Variants in GPR137B observed in about 807,000 individuals in gnomAD.
The protein encoded by GPR137B is G protein-coupled receptor 137B.
A neutral mutation model predicts 42.5 loss-of-function variants in GPR137B; 42 were observed. The ratio of observed to expected loss-of-function variants is 0.99; its 90% confidence interval spans 0.77 to 1.28. The LOEUF (loss-of-function observed/expected upper bound fraction) is 1.28. Among genes scored for constraint, GPR137B ranks in the 50% most tolerant of loss-of-function variants. The pLI is 0.00. For synonymous variants in GPR137B, 218 were observed against 209.7 expected (o/e 1.04, Z -0.34); for missense variants, 487 against 493.9 (o/e 0.99, Z 0.13).
chr1:236,170,127 G>A (rs888465937), intron 2 of GPR137B, among the ~76,000 whole-genome samples: 2 of 151,892 alleles, frequency 1.3e-5, no homozygotes, highest in Non-Finnish European at 2.9e-5. Context: ...GCGCGGGGGT[G>A]CAGTGTGAGT....
At chr1:236,176,814 G>A (rs751520356) in intron 2 of GPR137B, among the ~76,000 whole-genome samples, 10 of 152,176 alleles carry the variant, frequency 6.6e-5, no homozygotes, top group Non-Finnish European at 1.5e-4. Flanking sequence ...GATGGAGAGA[G>A]TGGAAATGGA....
chr1:236,178,495 GGGAAATTGGGA>G lies in GPR137B; in HGVS notation c.548_558del (p.Gly183GlufsTer12). ...TAACCTGTGCTGTGCTGGTAAAGAC[GGGAAATTGGGA>G]GAGGAAGGTTATCGTCTCTGTGCGA... On this transcript the variant is annotated frameshift_variant, in exon 3 of 7. Transcript: ENST00000366592. LOFTEE classifies it high-confidence loss of function. The G allele has an allele frequency of 6.2e-7, 1 of 1,613,832 alleles. No individual in the cohort carries two copies. Among genetic ancestry groups the G allele is most frequent in the South Asian group, 1.1e-5 (1 of 91,062 alleles).
intron 1 of GPR137B, among the ~76,000 whole-genome samples, chr1:236,162,893 C>T (rs935972856): frequency 1.3e-5 from 2 of 152,230 alleles, no homozygotes; most frequent in African/African-American, 4.8e-5. Context: ...AGCCCCCACA[C>T]AGAGTCCCTA....
rs1661549359 is a variant in GPR137B at position 236,142,570 on chromosome 1, C to T, written c.-53C>T. ...TTTCCTCCAGTCTCGGGGCTGCAGG[C>T]TGAGCGCGATGCGCGGAGACCCCCG... On this transcript the variant is annotated 5_prime_UTR_variant, in exon 1 of 7. Transcript: ENST00000366592. 1.9e-6 allele frequency: 2 copies of T among 1,073,294 alleles called. No homozygotes were observed. The highest frequency in any genetic ancestry group is 3.3e-5 in the African/African-American group (2 of 60,016). The allele number at this position is 1,073,294 out of a possible 1,614,324, so 66.5% of individuals were successfully genotyped here.
At chr1:236,148,229 G>A (rs1661736162) in intron 1 of GPR137B, among the ~76,000 whole-genome samples, 1 of 152,228 alleles carries the variant, frequency 6.6e-6, no homozygotes, top group South Asian at 2.1e-4. Context: ...CCAGGTTTCA[G>A]GATAGAGGCT....
intron 1 of GPR137B, among the ~76,000 whole-genome samples, chr1:236,163,540 G>A (rs548555507): frequency 2.0e-5 from 3 of 152,298 alleles, no homozygotes; most frequent in Non-Finnish European, 2.9e-5. Flanking sequence ...ATTCCCATGT[G>A]TTGTGGGAGG....
chr1:236,187,522 G>A (rs565643937), intron 5 of GPR137B, among the ~76,000 whole-genome samples: 6 of 152,202 alleles, frequency 3.9e-5, no homozygotes, highest in East Asian at 3.9e-4. Context: ...GTGTAAGGAA[G>A]GGGTCCAGTT....
rs768692866 is a variant in GPR137B, at chr1:236,142,950, A to C, written c.328A>C (p.Ser110Arg). ...AGACTTCGTGGCGGCCAATTCGCTC[A>C]GCCCCTTCGTCTTCTGGCTGCTCTA... ...FKDFVAANSL[S>R]PFVFWLLYCF... Residue 110 changes from serine to arginine, a missense_variant, in exon 1 of 7, where the codon AGC becomes CGC. Physicochemically the swap from Ser to Arg is moderately radical, Grantham distance 110 (BLOSUM62 -1). Coordinates refer to ENST00000366592, the MANE Select transcript of GPR137B (RefSeq NM_003272.4). 2 of 1,614,196 alleles carry C rather than the reference A, an allele frequency of 1.2e-6. No homozygotes were observed. The highest frequency in any genetic ancestry group is 1.1e-5 in the South Asian group (1 of 91,076).
At chr1:236,160,113 A>G (rs1434545219) in intron 1 of GPR137B, among the ~76,000 whole-genome samples, 1 of 152,172 alleles carries the variant, frequency 6.6e-6, no homozygotes, top group Admixed American at 6.5e-5. Context: ...ATTAGGGAGA[A>G]ATGCTTTATT....
chr1:236,201,460 C>G (rs571385937), intron 5 of GPR137B, among the ~76,000 whole-genome samples: 1 of 152,016 alleles, frequency 6.6e-6, no homozygotes, highest in Non-Finnish European at 1.5e-5. Flanking sequence ...ATTGGAGGCT[C>G]TGTTCATTTT....
chr1:236,186,109 T>A (rs1421184891), intron 5 of GPR137B, among the ~76,000 whole-genome samples: 1 of 148,000 alleles, frequency 6.8e-6, no homozygotes, highest in Non-Finnish European at 1.5e-5. Context: ...TTGTACTTAA[T>A]TCTTTTTTAT....
chr1:236,202,535 T>C (rs1324493909), intron 5 of GPR137B, among the ~76,000 whole-genome samples: 1 of 152,066 alleles, frequency 6.6e-6, no homozygotes, highest in Non-Finnish European at 1.5e-5. Flanking sequence ...GGTGTGACTC[T>C]CCACACACTG....
rs1367496934 is a variant in GPR137B, at chr1:236,179,896, A to G, written c.705A>G (p.Gln235=). The change falls in exon 4 of 7, where the codon CAA becomes CAG. Residue 235 remains glutamine (Q), a synonymous_variant. Transcript: ENST00000366592. Reference sequence around the variant, plus strand: ...TTTTCCAGGGCTCCTCCGTGTGTCAAGTGACTGCCATCGGTGTCACCGTGA... The same window carrying G: ...TTTTCCAGGGCTCCTCCGTGTGTCAGGTGACTGCCATCGGTGTCACCGTGA... The part of the protein sequence containing the change: ...YLESKGSSVC[Q]VTAIGVTVIL... The G allele has an allele frequency of 3.8e-6, 6 of 1,591,554 alleles. No individual in the cohort carries two copies. The South Asian group carries it at 5.8e-5, about 15-fold the overall frequency.
chr1:236,183,796 C>A lies in GPR137B; in HGVS notation c.856C>A (p.Leu286Met). ...CTAACAGGCAGATTTGAAGAATCAG[C>A]TGGGAGATGCTGGATACGTATTATT... Reference protein sequence around the residue: ...VSDQADLKNQLGDAGYVLFGV... With the variant: ...VSDQADLKNQMGDAGYVLFGV... The change falls in exon 5 of 7, where the codon CTG becomes ATG. Residue 286 changes from leucine to methionine, a missense_variant. Physicochemically the swap from Leu to Met is conservative, Grantham distance 15. Transcript: ENST00000366592. 6.2e-7 allele frequency: 1 copy of A among 1,606,310 alleles called. No individual in the cohort carries two copies. Among genetic ancestry groups the A allele is most frequent in the Non-Finnish European group, 8.5e-7 (1 of 1,173,592 alleles).
At chr1:236,189,127 T>C (rs538895506) in intron 5 of GPR137B, among the ~76,000 whole-genome samples, 1 of 152,220 alleles carries the variant, frequency 6.6e-6, no homozygotes, top group South Asian at 2.1e-4. Context: ...ATAGTATTCT[T>C]TGATGGTAGT....
chr1:236,176,094 G>A (rs1186484151), intron 2 of GPR137B, among the ~76,000 whole-genome samples: 1 of 152,174 alleles, frequency 6.6e-6, no homozygotes, highest in African/African-American at 2.4e-5. Flanking sequence ...GTGGGAGGGT[G>A]GGGCTGCCCC....
chr1:236,166,751 G>A (rs61833529), intron 1 of GPR137B, among the ~76,000 whole-genome samples: 6 of 152,182 alleles, frequency 3.9e-5, no homozygotes, highest in Admixed American at 6.5e-5. Flanking sequence ...TTGGGAGGCC[G>A]AGGTGGGTGG....
At position 236,208,080 on chromosome 1, in the gene GPR137B, A is replaced by G; in HGVS notation, c.1122A>G (p.Gln374=). Reference sequence around the variant, plus strand: ...CTCCAGATTACTATGATTGGGGACAACAAACTAACAGCTTCCTGGCACAAG... The same window carrying G: ...CTCCAGATTACTATGATTGGGGACAGCAAACTAACAGCTTCCTGGCACAAG... The part of the protein sequence containing the change: ...GFAPDYYDWG[Q]QTNSFLAQAG... Residue 374 remains glutamine (Q), a synonymous_variant, in exon 7 of 7, where the codon CAA becomes CAG. Transcript: ENST00000366592. 9 of 1,613,400 alleles carry G rather than the reference A, an allele frequency of 5.6e-6. No individual in the cohort carries two copies. Among genetic ancestry groups the G allele is most frequent in the Non-Finnish European group, 6.8e-6 (8 of 1,179,402 alleles).
At position 236,178,787 on chromosome 1, in the gene GPR137B, T is replaced by TTTTTG. The variant is rs2102910598; in HGVS notation, c.687+155_687+156insGTTTT. ...CTCCCACACAGGGGCTACTCGAGGTTTTTTTTTTTTTTTTTTTTTTTTTTT... is the reference window on the plus strand; with the variant it reads ...CTCCCACACAGGGGCTACTCGAGGTTTTTTGTTTTTTTTTTTTTTTTTTTTTTTTT... On this transcript the variant is annotated intron_variant, in intron 3 of 6. Transcript: ENST00000366592. 5 of 224,488 alleles carry TTTTTG rather than the reference T, an allele frequency of 2.2e-5. No homozygotes were observed. The South Asian group carries it at 2.9e-4, about 13-fold the overall frequency. 13.9% of individuals were successfully genotyped at this position (224,488 alleles called of 1,614,324 possible). A position where few individuals can be genotyped will look rare whatever the true frequency, so the allele number is the denominator to read the frequency against.
Sources: gnomAD v4.1 joint callset for allele counts (sites outside exome capture counted in the v4.1 genomes callset) on GRCh38, gnomAD v4.1.1 for gene constraint, MANE v1.5 for transcripts, NCBI Gene and HGNC (gene_info 2026-07-23, HGNC 2026-07-21) for gene names.